The following ZNF804B variants were observed in gnomAD, a reference collection of about 807,000 sequenced individuals.
ZNF804B encodes zinc finger protein 804B, also known as zinc finger 804B.
A neutral mutation model predicts 101.4 loss-of-function variants in ZNF804B; 80 were observed. The ratio of observed to expected loss-of-function variants is 0.79; its 90% CI spans 0.66 to 0.95. The LOEUF (loss-of-function observed/expected upper bound fraction) is 0.95. Among genes scored for constraint, ZNF804B ranks in the 40% least tolerant of loss-of-function variants. The pLI is 0.00. For synonymous variants in ZNF804B, 622 were observed against 558.8 expected, an observed-to-expected ratio of 1.11 and a Z score of -1.59; for missense variants, 1,673 against 1,561.9, an observed-to-expected ratio of 1.07 and a Z score of -1.20.
At chr7:89,074,076 A>G (rs1789581174) in intron 1 of ZNF804B, among the ~76,000 whole-genome samples, 1 of 152,118 alleles carries the variant, frequency 6.6e-6, no homozygotes, top group South Asian at 2.1e-4. Flanking sequence ...GGGGAAGGTA[A>G]AGTACTGATG....
At chr7:88,803,170 TA>T (rs773301320) in intron 1 of ZNF804B, among the ~76,000 whole-genome samples, 12 of 151,434 alleles carry the variant, frequency 7.9e-5, no homozygotes, top group Non-Finnish European at 1.5e-4. Flanking sequence ...AAAAAAACGT[TA>T]AAAAATAAGG....
chr7:89,089,363 T>A (rs116416009), intron 1 of ZNF804B, among the ~76,000 whole-genome samples: 3,303 of 129,910 alleles, frequency 0.025, 147 homozygotes, highest in African/African-American at 0.12. Flanking sequence ...TCGGAAAAAT[T>A]TTTTTTCCCA....
In ZNF804B at chr7:89,292,830, A is replaced by G. The variant is rs569187903; in HGVS notation, c.250-34514A>G. On this transcript the variant is annotated intron_variant, in intron 2 of 3. Transcript: ENST00000333190. ...AATTGTATTTTTATATATTAGTAAT[A>G]AACAACTGGACTTTTTTTTGTAACA... Among the ~76,000 whole-genome samples, 3 of 151,606 alleles carry G rather than the reference A, an allele frequency of 2.0e-5. No individual in the cohort carries two copies. The South Asian group carries it at 6.2e-4, about 31-fold the overall frequency.
chr7:88,964,059 G>C (rs191197390), intron 1 of ZNF804B, among the ~76,000 whole-genome samples: 11 of 151,506 alleles, frequency 7.3e-5, no homozygotes, highest in Middle Eastern at 3.4e-3. Context: ...TGGAGAAATT[G>C]AAACACTTGT....
At chr7:88,956,675 A>G (rs1036783139) in intron 1 of ZNF804B, among the ~76,000 whole-genome samples, 49 of 151,236 alleles carry the variant, frequency 3.2e-4, no homozygotes, top group African/African-American at 1.1e-3. Flanking sequence ...TAGTTTTTTA[A>G]TATGATGGAC....
chr7:88,906,759 G>T (rs1792476232), intron 1 of ZNF804B, among the ~76,000 whole-genome samples: 2 of 152,042 alleles, frequency 1.3e-5, no homozygotes, highest in African/African-American at 4.8e-5. Flanking sequence ...AATTGGTCAG[G>T]TGTTGAGTTT....
chr7:88,845,276 TGCGC>T (rs1418279827), intron 1 of ZNF804B, among the ~76,000 whole-genome samples: 1 of 138,776 alleles, frequency 7.2e-6, no homozygotes, highest in African/African-American at 3.0e-5. Context: ...TGCGCATGTG[TGCGC>T]ACGCGCGCGC....
intron 1 of ZNF804B, among the ~76,000 whole-genome samples, chr7:88,889,901 A>G (rs1051627630): frequency 6.6e-6 from 1 of 152,118 alleles, no homozygotes; most frequent in Non-Finnish European, 1.5e-5. Context: ...GATTTTTATA[A>G]TTTGAGGTCT....
In ZNF804B at chr7:89,044,989, C is replaced by A. The variant is rs117561987; in HGVS notation, c.109-173166C>A. Reference sequence around the variant, plus strand: ...CACAGTAGCCCCATCCATCACAGGCCGGGTAGCCTATGAGGGAAAAATGGT... The same window carrying A: ...CACAGTAGCCCCATCCATCACAGGCAGGGTAGCCTATGAGGGAAAAATGGT... On this transcript the variant is annotated intron_variant, in intron 1 of 3. Transcript: ENST00000333190. Among the ~76,000 whole-genome samples, 123 of 152,270 alleles carry A rather than the reference C, an allele frequency of 8.1e-4. No homozygotes were observed. In the East Asian group the frequency reaches 0.015, roughly 18 times the overall value.
At chr7:89,206,908 G>A (rs7812212) in intron 1 of ZNF804B, among the ~76,000 whole-genome samples, 18,591 of 152,220 alleles carry the variant, frequency 0.12, 1,222 homozygotes, top group Middle Eastern at 0.25. Context: ...CCTATGGCAG[G>A]AGCAAAGTGC....
At chr7:89,222,284 TC>T (rs1789016466) in intron 2 of ZNF804B, among the ~76,000 whole-genome samples, 1 of 151,896 alleles carries the variant, frequency 6.6e-6, no homozygotes, top group Middle Eastern at 3.2e-3. Context: ...TTGCAGTGCA[TC>T]TTGTCCTCAT....
At chr7:88,918,344 T>A (rs1486334632) in intron 1 of ZNF804B, among the ~76,000 whole-genome samples, 2 of 152,182 alleles carry the variant, frequency 1.3e-5, no homozygotes, top group African/African-American at 2.4e-5. Flanking sequence ...TCAGTTAAGT[T>A]ATAATTAGGG....
chr7:89,258,965 T>G (rs1436485148), intron 2 of ZNF804B, among the ~76,000 whole-genome samples: 1 of 152,044 alleles, frequency 6.6e-6, no homozygotes, highest in East Asian at 1.9e-4. Flanking sequence ...AAATACATCA[T>G]AATTTCTGTC....
intron 1 of ZNF804B, among the ~76,000 whole-genome samples, chr7:88,939,247 A>G (rs950775361): frequency 1.2e-4 from 19 of 152,110 alleles, no homozygotes; most frequent in African/African-American, 4.3e-4. Flanking sequence ...ATCCTCCTTT[A>G]CATTTTAAAT....
At chr7:89,311,939 C>T (rs1790654765) in intron 2 of ZNF804B, among the ~76,000 whole-genome samples, 1 of 152,132 alleles carries the variant, frequency 6.6e-6, no homozygotes, top group Non-Finnish European at 1.5e-5. Context: ...CTTTGTACCA[C>T]AGCTGACTTG....
chr7:89,196,606 A>G (rs1788557147), intron 1 of ZNF804B, among the ~76,000 whole-genome samples: 1 of 152,182 alleles, frequency 6.6e-6, no homozygotes, highest in Admixed American at 6.6e-5. Context: ...AATTGCAACA[A>G]AAGCAAAAAT....
chr7:88,926,614 A>C (rs1463220418), intron 1 of ZNF804B, among the ~76,000 whole-genome samples: 2 of 152,024 alleles, frequency 1.3e-5, no homozygotes, highest in Non-Finnish European at 2.9e-5. Flanking sequence ...TCTCAAAATA[A>C]GTAAGTAAAT....
intron 1 of ZNF804B, among the ~76,000 whole-genome samples, chr7:89,187,635 T>C (rs1364314944): frequency 6.6e-6 from 1 of 152,186 alleles, no homozygotes; most frequent in Non-Finnish European, 1.5e-5. Context: ...GAGAAGCAAG[T>C]GAGTATTCAT....
intron 1 of ZNF804B, among the ~76,000 whole-genome samples, chr7:88,906,299 A>G (rs1792469141): frequency 6.6e-6 from 1 of 151,414 alleles, no homozygotes; most frequent in Non-Finnish European, 1.5e-5. Context: ...TTATCCTGGG[A>G]TTGGTTTGTT....
Sources: allele counts gnomAD v4.1 joint callset (sites outside exome capture counted in the v4.1 genomes callset), GRCh38; gene constraint gnomAD v4.1.1; transcripts MANE v1.5; gene names NCBI Gene and HGNC (gene_info 2026-07-23, HGNC 2026-07-21).